Variants in UVRAG observed in about 807,000 individuals in gnomAD.
UVRAG encodes the protein UV radiation resistance-associated gene protein.
UVRAG carries 19 observed loss-of-function variants against 78.0 expected under a neutral mutation model. The observed-to-expected ratio is 0.24, with a 90% CI of 0.17 to 0.36. The LOEUF (loss-of-function observed/expected upper bound fraction) is 0.36, where lower values mean the gene tolerates loss of function less well. Ranked by LOEUF, UVRAG falls within the 10% of genes least tolerant of loss-of-function variation. The pLI, the probability that UVRAG is intolerant of heterozygous loss-of-function variation, is 1.00. For missense variants in UVRAG, 740 were observed against 853.8 expected (o/e 0.87, Z 1.66); for synonymous variants, 323 against 324.6 (o/e 1.00, Z 0.05).
At chr11:76,137,575 A>G (rs530686665) in intron 14 of UVRAG, 62 of 405,530 alleles carry the variant, frequency 1.5e-4, no homozygotes, top group African/African-American at 1.2e-3. Flanking sequence ...TATCTCTCCA[A>G]AAATAACTAA....
At chr11:75,831,542 T>TCACTAGGCCATTTTAGTGTAATATAAGAG (rs1342276699) in intron 1 of UVRAG, among the ~76,000 whole-genome samples, 1 of 151,368 alleles carries the variant, frequency 6.6e-6, no homozygotes, top group African/African-American at 2.4e-5. Context: ...GACAAATATG[T>TCACTAGGCCATTTTAGTGTAATATAAGAG]CACTAGGCCA....
chr11:76,045,718 C>A (rs1458266130), intron 12 of UVRAG, among the ~76,000 whole-genome samples: 2 of 144,446 alleles, frequency 1.4e-5, no homozygotes, highest in East Asian at 2.0e-4. Context: ...AAAAAAAAGC[C>A]GGAGATCAAA....
chr11:75,906,121 GT>G (rs1457751711), intron 5 of UVRAG, among the ~76,000 whole-genome samples: 13 of 152,200 alleles, frequency 8.5e-5, no homozygotes, highest in Non-Finnish European at 1.6e-4. Flanking sequence ...TATACAATTT[GT>G]AAATATTTTC....
At chr11:75,886,482 G>C (rs906419174) in intron 4 of UVRAG, among the ~76,000 whole-genome samples, 9 of 152,124 alleles carry the variant, frequency 5.9e-5, no homozygotes, top group Admixed American at 5.2e-4. Flanking sequence ...GTGTAAAAAT[G>C]TTTTATGTTT....
chr11:76,008,765 T>C, intron 10 of UVRAG, 42 bp from the exon 11 acceptor site: 2 of 1,157,364 alleles, frequency 1.7e-6, no homozygotes, highest in South Asian at 1.6e-5. Context: ...TTAGAGTTTC[T>C]TTGCTTTATT....
intron 6 of UVRAG, among the ~76,000 whole-genome samples, chr11:75,917,678 G>T (rs140972882): frequency 6.6e-6 from 1 of 152,100 alleles, no homozygotes; most frequent in Admixed American, 6.6e-5. Flanking sequence ...CACTCATCGC[G>T]TTAATACTCC....
intron 7 of UVRAG, among the ~76,000 whole-genome samples, chr11:75,967,290 T>C (rs1463924238): frequency 2.6e-5 from 4 of 152,350 alleles, no homozygotes; most frequent in Middle Eastern, 3.4e-3. Flanking sequence ...ATATTTTTGC[T>C]GTATCCTCCT....
intron 14 of UVRAG, among the ~76,000 whole-genome samples, chr11:76,125,585 T>A (rs1180059654): frequency 6.6e-6 from 1 of 152,186 alleles, no homozygotes; most frequent in African/African-American, 2.4e-5. Flanking sequence ...CTTTGTGCAC[T>A]AACCCTCCAC....
intron 10 of UVRAG, among the ~76,000 whole-genome samples, chr11:76,008,356 G>T (rs922347873): frequency 2.6e-5 from 4 of 151,942 alleles, no homozygotes; most frequent in Non-Finnish European, 5.9e-5. Context: ...TTCTTAGAAT[G>T]AATGAAAAAA....
intron 14 of UVRAG, among the ~76,000 whole-genome samples, chr11:76,138,281 G>A (rs559714217): frequency 7.7e-4 from 117 of 152,336 alleles, no homozygotes; most frequent in African/African-American, 2.7e-3. Context: ...TAGTTCAGAT[G>A]TGGTTCTTCA....
intron 6 of UVRAG, among the ~76,000 whole-genome samples, chr11:75,917,745 A>G (rs1352936201): frequency 6.6e-6 from 1 of 152,192 alleles, no homozygotes; most frequent in Non-Finnish European, 1.5e-5. Flanking sequence ...CTAGTCTCCC[A>G]AGCTAGTAAT....
intron 6 of UVRAG, among the ~76,000 whole-genome samples, chr11:75,935,343 A>G (rs1256405872): frequency 6.6e-6 from 1 of 152,252 alleles, no homozygotes; most frequent in Non-Finnish European, 1.5e-5. Context: ...CATTTGTGAC[A>G]TGAATGGGAA....
At chr11:76,005,672 C>T (rs572094350) in intron 9 of UVRAG, among the ~76,000 whole-genome samples, 5 of 152,356 alleles carry the variant, frequency 3.3e-5, no homozygotes, top group African/African-American at 4.8e-5. Flanking sequence ...AAGACTGCCT[C>T]ACCACATCAG....
intron 14 of UVRAG, chr11:76,137,634 C>T: frequency 2.7e-6 from 1 of 367,896 alleles, no homozygotes; most frequent in Non-Finnish European, 5.3e-6. Flanking sequence ...ACCTGTGGCT[C>T]ACACCTGTAA....
At chr11:76,055,421 T>C (rs1454212341) in intron 12 of UVRAG, among the ~76,000 whole-genome samples, 1 of 152,232 alleles carries the variant, frequency 6.6e-6, no homozygotes, top group Non-Finnish European at 1.5e-5. Flanking sequence ...GATTTTATTA[T>C]GAAAATTTCT....
chr11:76,008,167 C>T (rs1160389705), intron 10 of UVRAG, among the ~76,000 whole-genome samples: 3 of 152,144 alleles, frequency 2.0e-5, no homozygotes, highest in African/African-American at 7.2e-5. Flanking sequence ...ACCTCAGCCT[C>T]CCAAAGTGCT....
chr11:76,028,679 G>C (rs183693818), intron 12 of UVRAG, among the ~76,000 whole-genome samples: 116 of 152,258 alleles, frequency 7.6e-4, no homozygotes, highest in Non-Finnish European at 1.1e-3. Flanking sequence ...CCAGAGCAAC[G>C]ACCTAACTTT....
intron 6 of UVRAG, among the ~76,000 whole-genome samples, chr11:75,936,562 C>T (rs1205928040): frequency 1.3e-5 from 2 of 152,120 alleles, no homozygotes; most frequent in Non-Finnish European, 2.9e-5. Flanking sequence ...TCAAATCACT[C>T]CAGATTTGGC....
chr11:76,070,348 TTAGA>T (rs1264020601), intron 13 of UVRAG, among the ~76,000 whole-genome samples: 2 of 152,104 alleles, frequency 1.3e-5, no homozygotes, highest in South Asian at 2.1e-4. Flanking sequence ...AAATTTGCAG[TTAGA>T]TAGGCTGCAT....
Sources: allele counts gnomAD v4.1 joint callset (sites outside exome capture counted in the v4.1 genomes callset), GRCh38; gene constraint gnomAD v4.1.1; transcripts MANE v1.5; gene names NCBI Gene and HGNC (gene_info 2026-07-23, HGNC 2026-07-21).